The following DPYD variants were observed in gnomAD, a reference collection of about 807,000 sequenced individuals.
The protein encoded by DPYD is dihydropyrimidine dehydrogenase [NADP(+)].
In DPYD, 109 loss-of-function variants were observed where a neutral mutation model predicts 116.2. That is an observed-to-expected ratio of 0.94 (90% CI 0.80 to 1.10). The LOEUF (loss-of-function observed/expected upper bound fraction) is 1.10, where lower values mean the gene tolerates loss of function less well. DPYD is among the 50% of genes least tolerant of loss of function. The pLI is 0.00. For missense variants in DPYD, 1,302 were observed against 1,254.5 expected, an observed-to-expected ratio of 1.04 and a Z score of -0.57; for synonymous variants, 440 against 432.0, an observed-to-expected ratio of 1.02 and a Z score of -0.23.
chr1:97,548,512 G>A (rs182554300), intron 12 of DPYD, among the ~76,000 whole-genome samples: 27 of 152,166 alleles, frequency 1.8e-4, no homozygotes, highest in African/African-American at 5.5e-4. Flanking sequence ...TGAGGTGGGC[G>A]GATCACTTGA....
chr1:97,117,449 G>A (rs970863038), intron 20 of DPYD, among the ~76,000 whole-genome samples: 1 of 152,186 alleles, frequency 6.6e-6, no homozygotes, highest in Admixed American at 6.5e-5. Flanking sequence ...GCTGGGTCAA[G>A]CACTCTTATC....
At chr1:97,179,718 C>A (rs1159626309) in intron 20 of DPYD, among the ~76,000 whole-genome samples, 1 of 152,076 alleles carries the variant, frequency 6.6e-6, no homozygotes, top group Non-Finnish European at 1.5e-5. Flanking sequence ...ATTTTCTGTG[C>A]GCATTGTAGT....
At chr1:97,814,986 A>G (rs981463928) in intron 3 of DPYD, among the ~76,000 whole-genome samples, 1 of 151,162 alleles carries the variant, frequency 6.6e-6, no homozygotes, top group African/African-American at 2.4e-5. Flanking sequence ...CAAAGAGAGA[A>G]AGGAAAGGAA....
chr1:97,227,941 C>T (rs899041832), intron 19 of DPYD, among the ~76,000 whole-genome samples: 1 of 151,794 alleles, frequency 6.6e-6, no homozygotes, highest in African/African-American at 2.4e-5. Flanking sequence ...GATGCTGTAA[C>T]CTAGGTTTTT....
At chr1:97,263,990 T>C (rs1376099782) in intron 18 of DPYD, among the ~76,000 whole-genome samples, 2 of 152,040 alleles carry the variant, frequency 1.3e-5, no homozygotes, top group African/African-American at 2.4e-5. Context: ...CTTGATATTA[T>C]CTTTTTTCTT....
At chr1:97,573,311 A>G (rs1653034141) in intron 11 of DPYD, among the ~76,000 whole-genome samples, 1 of 152,104 alleles carries the variant, frequency 6.6e-6, no homozygotes, top group African/African-American at 2.4e-5. Context: ...TAATTTGATA[A>G]TTCTGACATC....
chr1:97,434,250 C>A (rs1043520738), intron 14 of DPYD, among the ~76,000 whole-genome samples: 3 of 151,958 alleles, frequency 2.0e-5, no homozygotes, highest in Non-Finnish European at 2.9e-5. Flanking sequence ...ATCAGAAACT[C>A]CCCAAAGAAG....
At chr1:97,482,730 T>G (rs1485681331) in intron 13 of DPYD, among the ~76,000 whole-genome samples, 1 of 152,250 alleles carries the variant, frequency 6.6e-6, no homozygotes, top group South Asian at 2.1e-4. Flanking sequence ...AATAGGCCAG[T>G]TACTTTTGTA....
At chr1:97,404,120 G>T (rs1673519267) in intron 14 of DPYD, among the ~76,000 whole-genome samples, 1 of 151,936 alleles carries the variant, frequency 6.6e-6, no homozygotes, top group South Asian at 2.1e-4. Flanking sequence ...TTTGTTAGCG[G>T]TGTCTAATTT....
chr1:97,446,386 CAA>C (rs1477401081), intron 14 of DPYD, among the ~76,000 whole-genome samples: 2 of 152,126 alleles, frequency 1.3e-5, no homozygotes, highest in African/African-American at 2.4e-5. Flanking sequence ...GTTAAGAACT[CAA>C]TATTTAGAGG....
intron 3 of DPYD, among the ~76,000 whole-genome samples, chr1:97,754,329 T>C (rs754019865): frequency 2.0e-5 from 3 of 152,132 alleles, no homozygotes; most frequent in Non-Finnish European, 4.4e-5. Context: ...TAAAATTAGC[T>C]GTCTACAGCT....
At chr1:97,483,787 G>A (rs1001945466) in intron 13 of DPYD, among the ~76,000 whole-genome samples, 9 of 152,048 alleles carry the variant, frequency 5.9e-5, no homozygotes, top group African/African-American at 1.9e-4. Context: ...TAGCTTGCCT[G>A]CCCTTCTCTC....
chr1:97,595,362 A>G (rs1224668309), intron 8 of DPYD, among the ~76,000 whole-genome samples, 196 bp from the exon 9 acceptor site: 1 of 152,128 alleles, frequency 6.6e-6, no homozygotes, highest in Non-Finnish European at 1.5e-5. Flanking sequence ...TTTAATATAT[A>G]ACCAAGTACA....
At chr1:97,103,691 T>C (rs1570460625) in intron 20 of DPYD, among the ~76,000 whole-genome samples, 1 of 152,142 alleles carries the variant, frequency 6.6e-6, no homozygotes, top group Non-Finnish European at 1.5e-5. Flanking sequence ...AAGTCAAATT[T>C]GCATTAAAAT....
chr1:97,785,648 G>A (rs1233767735), intron 3 of DPYD, among the ~76,000 whole-genome samples: 1 of 141,412 alleles, frequency 7.1e-6, no homozygotes, highest in Non-Finnish European at 1.5e-5. Flanking sequence ...GGCCACAAGA[G>A]AGATTATCTT....
intron 13 of DPYD, among the ~76,000 whole-genome samples, chr1:97,508,426 G>C (rs1647521557): frequency 6.6e-6 from 1 of 151,944 alleles, no homozygotes; most frequent in Non-Finnish European, 1.5e-5. Flanking sequence ...CAAAAAATTG[G>C]CTTCTGATGA....
chr1:97,287,560 C>G (rs1400339088), intron 18 of DPYD, among the ~76,000 whole-genome samples: 1 of 152,198 alleles, frequency 6.6e-6, no homozygotes, highest in Non-Finnish European at 1.5e-5. Flanking sequence ...GGCAGGCATC[C>G]TTGAGCTGTG....
At chr1:97,683,381 G>T (rs1004679830) in intron 7 of DPYD, among the ~76,000 whole-genome samples, 1 of 151,540 alleles carries the variant, frequency 6.6e-6, no homozygotes, top group African/African-American at 2.4e-5. Context: ...TGTTATAAGA[G>T]GTTATTAAGA....
At chr1:97,818,040 A>C (rs924025502) in intron 3 of DPYD, among the ~76,000 whole-genome samples, 1 of 151,968 alleles carries the variant, frequency 6.6e-6, no homozygotes, top group African/African-American at 2.4e-5. Context: ...TTAATATACA[A>C]TCTTTTGATA....
Sources: gnomAD v4.1 joint callset for allele counts (sites outside exome capture counted in the v4.1 genomes callset) on GRCh38, gnomAD v4.1.1 for gene constraint, MANE v1.5 for transcripts, NCBI Gene and HGNC (gene_info 2026-07-23, HGNC 2026-07-21) for gene names.